The following GNG7 variants were observed in gnomAD, a reference collection of about 807,000 sequenced individuals.
The protein encoded by GNG7 is guanine nucleotide-binding protein G(I)/G(S)/G(O) subunit gamma-7.
Under a neutral mutation model 4.0 loss-of-function variants are expected in GNG7, and 1 was observed. That is an observed-to-expected ratio of 0.25 (90% CI 0.09 to 1.18). The LOEUF is 1.18. Ranked by LOEUF, GNG7 falls within the 50% of genes most tolerant of loss-of-function variation. The pLI, the probability that GNG7 is intolerant of heterozygous loss-of-function variation, is 0.50. For missense variants in GNG7, 86 were observed against 91.9 expected (o/e 0.94, Z 0.26); for synonymous variants, 34 against 36.9 (o/e 0.92, Z 0.29).
chr19:2,686,490 G>A (rs893467150), intron 1 of GNG7, among the ~76,000 whole-genome samples: 1 of 152,010 alleles, frequency 6.6e-6, no homozygotes, highest in African/African-American at 2.4e-5. Flanking sequence ...TTGCATCTCA[G>A]GCAAAGCTGC....
chr19:2,690,152 C>G (rs528261474), intron 1 of GNG7, among the ~76,000 whole-genome samples: 1 of 151,860 alleles, frequency 6.6e-6, no homozygotes, highest in Non-Finnish European at 1.5e-5. Context: ...GAGGCCGAAG[C>G]GAAAGGATCA....
chr19:2,527,783 C>T (rs577598412), intron 3 of GNG7, among the ~76,000 whole-genome samples: 6 of 151,776 alleles, frequency 4.0e-5, no homozygotes, highest in African/African-American at 7.3e-5. Flanking sequence ...AACCCCCCCC[C>T]CCACCAGTGC....
chr19:2,638,377 G>T (rs1341360038), intron 2 of GNG7, among the ~76,000 whole-genome samples: 2 of 133,984 alleles, frequency 1.5e-5, no homozygotes, highest in Non-Finnish European at 3.2e-5. Flanking sequence ...GAAAAGAAAA[G>T]AAAAGGGGAA....
At chr19:2,588,235 A>C (rs1361189567) in intron 2 of GNG7, among the ~76,000 whole-genome samples, 1 of 152,122 alleles carries the variant, frequency 6.6e-6, no homozygotes, top group Non-Finnish European at 1.5e-5. Context: ...GGGGCGTGAG[A>C]GGGTGGCCGG....
At chr19:2,559,218 T>C (rs1398354441) in intron 2 of GNG7, among the ~76,000 whole-genome samples, 1 of 152,166 alleles carries the variant, frequency 6.6e-6, no homozygotes, top group Non-Finnish European at 1.5e-5. Context: ...AGTTCTGTTC[T>C]GTGAAGTCAC....
chr19:2,549,527 G>T (rs1035797373), intron 3 of GNG7, among the ~76,000 whole-genome samples: 5 of 152,136 alleles, frequency 3.3e-5, no homozygotes, highest in African/African-American at 1.2e-4. Flanking sequence ...CTGACCTTGT[G>T]ATCCACGTGT....
At chr19:2,681,471 C>T (rs545243375) in intron 1 of GNG7, among the ~76,000 whole-genome samples, 1 of 152,294 alleles carries the variant, frequency 6.6e-6, no homozygotes, top group South Asian at 2.1e-4. Context: ...GCGTGAGCAA[C>T]CTCACCCAGC....
chr19:2,511,861 G>T lies in GNG7; in HGVS notation c.*3161C>A, dbSNP rs1238596364. On this transcript the variant is annotated 3_prime_UTR_variant, in exon 5 of 5. Coordinates refer to ENST00000382159, the MANE Select transcript of GNG7 (RefSeq NM_052847.3). The surrounding 1 kb of genome is among the most constrained non-coding windows in gnomAD (Gnocchi z 6.3). ...GGGGTTACCCCTGGGGAGGGTGGGA[G>T]AGGGGTGAGGGTTCTGGCTCCTTCC... The T allele has an allele frequency of 8.1e-6, 8 of 986,194 alleles. 1 individual carries two copies. The South Asian group carries it at 3.8e-4, about 46-fold the overall frequency. The allele number at this position is 986,194 out of a possible 1,614,324, so 61.1% of individuals were successfully genotyped here.
At chr19:2,521,623 T>TTTTG (rs1297487268) in intron 3 of GNG7, among the ~76,000 whole-genome samples, 49 of 145,514 alleles carry the variant, frequency 3.4e-4, no homozygotes, top group Middle Eastern at 3.5e-3. Context: ...TTTTTTTTTT[T>TTTTG]TTTTTTTTGA....
chr19:2,586,200 G>A (rs1980667988), intron 2 of GNG7, among the ~76,000 whole-genome samples: 2 of 152,038 alleles, frequency 1.3e-5, no homozygotes, highest in Non-Finnish European at 1.5e-5. Context: ...GTCTTGATGG[G>A]GTGAGATCGG....
rs778969270 is a variant in GNG7 at position 2,514,974 on chromosome 19, G to A, written c.*48C>T. The A allele has an allele frequency of 4.2e-6, 6 of 1,445,428 alleles. No homozygotes were observed. In the Admixed American group the frequency reaches 1.0e-4, roughly 24 times the overall value. 89.5% of individuals were successfully genotyped at this position (1,445,428 alleles called of 1,614,324 possible). A position where few individuals can be genotyped will look rare whatever the true frequency, so the allele number is the denominator to read the frequency against. On this transcript the variant is annotated 3_prime_UTR_variant, in exon 5 of 5. Coordinates refer to ENST00000382159, the MANE Select transcript of GNG7 (RefSeq NM_052847.3). ...CCTGAGACAGAGACAGAGACAGAGA[G>A]AGAGAGAGAGAAAGAGAGAGAGAGA...
chr19:2,659,682 G>T (rs916235360), intron 1 of GNG7, among the ~76,000 whole-genome samples: 1 of 142,502 alleles, frequency 7.0e-6, no homozygotes, highest in Non-Finnish European at 1.5e-5. Context: ...GGGTGGGAGA[G>T]AGAGGAAAAC....
chr19:2,580,194 C>A (rs1003089260), intron 2 of GNG7, among the ~76,000 whole-genome samples: 1 of 152,152 alleles, frequency 6.6e-6, no homozygotes, highest in African/African-American at 2.4e-5. Context: ...TGGCCCCCGA[C>A]ATTGGTCCCG....
chr19:2,631,597 G>C (rs1982160488), intron 2 of GNG7, among the ~76,000 whole-genome samples: 1 of 152,200 alleles, frequency 6.6e-6, no homozygotes, highest in Non-Finnish European at 1.5e-5. Flanking sequence ...GTGGCTGTGT[G>C]CCAATAAAAC....
At chr19:2,598,452 T>C (rs1267372916) in intron 2 of GNG7, among the ~76,000 whole-genome samples, 1 of 149,450 alleles carries the variant, frequency 6.7e-6, no homozygotes, top group Non-Finnish European at 1.5e-5. Context: ...GGTCAGGAGA[T>C]CGAGACCATC....
chr19:2,581,436 C>A (rs995132620), intron 2 of GNG7, among the ~76,000 whole-genome samples: 7 of 152,140 alleles, frequency 4.6e-5, no homozygotes, highest in Admixed American at 2.0e-4. Flanking sequence ...TACTGAGTTC[C>A]CAAACCACAG....
rs56041767 is a variant in GNG7 at position 2,655,838 on chromosome 19, GAAAAA to G, written c.-134-9563_-134-9559del. 2.3e-3 allele frequency among the ~76,000 whole-genome samples: 127 copies of G among 54,758 alleles called. 1 individual carries two copies. The highest frequency in any genetic ancestry group is 9.2e-3 in the African/African-American group (126 of 13,760). 35.9% of individuals were successfully genotyped at this position (54,758 alleles called of 152,430 possible). ...TGGGTGACGGAGAGAGGCTCCGTCT[GAAAAA>G]AAAAAAAAAAAAAAAAATACATATA... is the stretch of plus-strand genomic sequence containing the variant. On this transcript the variant is annotated intron_variant, in intron 1 of 4. Transcript: ENST00000382159.
At chr19:2,529,001 C>T (rs1047052428) in intron 3 of GNG7, among the ~76,000 whole-genome samples, 4 of 152,232 alleles carry the variant, frequency 2.6e-5, no homozygotes, top group African/African-American at 9.7e-5. Flanking sequence ...AGAAATCTCA[C>T]TCCCCGTGGA....
intron 2 of GNG7, among the ~76,000 whole-genome samples, chr19:2,624,549 A>T (rs1981967122): frequency 2.0e-5 from 3 of 151,582 alleles, no homozygotes; most frequent in African/African-American, 7.3e-5. Context: ...AAAAAAAAGA[A>T]AAAGAAAAAA....
Sources: allele counts gnomAD v4.1 joint callset (sites outside exome capture counted in the v4.1 genomes callset), GRCh38; gene constraint gnomAD v4.1.1; non-coding constraint Gnocchi (gnomAD v3.1); transcripts MANE v1.5; gene names NCBI Gene and HGNC (gene_info 2026-07-23, HGNC 2026-07-21).